INTS13: variants seen among roughly 807,000 people sequenced by gnomAD.
INTS13 encodes asunder, spermatogenesis regulator homolog (Drosphila).
In INTS13, 35 loss-of-function variants were observed where a neutral mutation model predicts 90.2. That is an observed-to-expected ratio of 0.39 (90% CI 0.30 to 0.51). The LOEUF (loss-of-function observed/expected upper bound fraction) is 0.51, where lower values mean the gene tolerates loss of function less well. Among genes scored for constraint, INTS13 ranks in the 20% least tolerant of loss-of-function variants. INTS13 has a pLI of 0.80. For missense variants in INTS13, 601 were observed against 851.2 expected, an observed-to-expected ratio of 0.71 and a Z score of 3.66; for synonymous variants, 309 against 277.1, an observed-to-expected ratio of 1.11 and a Z score of -1.14.
intron 10 of INTS13, among the ~76,000 whole-genome samples, chr12:26,916,544 A>G (rs1340520024): frequency 6.6e-6 from 1 of 152,208 alleles, no homozygotes; most frequent in Non-Finnish European, 1.5e-5. Flanking sequence ...ATGCTACAGA[A>G]CATTTGGGGA....
intron 7 of INTS13, 36 bp from the exon 8 acceptor site, chr12:26,922,736 GT>G: frequency 2.2e-6 from 3 of 1,384,864 alleles, no homozygotes; most frequent in Non-Finnish European, 2.9e-6. Flanking sequence ...AAAAAACTTG[GT>G]TTTGCTTTCA....
chr12:26,909,050 C>A (rs957309740), intron 15 of INTS13, among the ~76,000 whole-genome samples: 13 of 152,124 alleles, frequency 8.5e-5, no homozygotes, highest in African/African-American at 3.1e-4. Context: ...AATAATTATT[C>A]TTGGGTTATA....
Position 26,906,310 on chromosome 12 carries a change from C to G in INTS13, c.2073G>C (p.Glu691Asp). ...CAATAAGTAACACAAACCCATTTTC[C>G]TCTTTAAGATGTTGATATAGTTCAG... Reference protein sequence around the residue: ...NRAELYQHLKEENGMETTENG... With the variant: ...NRAELYQHLKDENGMETTENG... Residue 691 changes from glutamate to aspartate, a missense_variant, in exon 16 of 17, where the codon GAG becomes GAC. Around this residue, in one of 3 missense-constraint regions of INTS13, gnomAD observed 228 missense variants for 272.5 expected, o/e 0.84. Coordinates refer to ENST00000261191, the MANE Select transcript of INTS13 (RefSeq NM_018164.3). 1.2e-6 allele frequency: 2 copies of G among 1,601,108 alleles called. No individual in the cohort carries two copies. Among genetic ancestry groups the G allele is most frequent in the Non-Finnish European group, 1.7e-6 (2 of 1,174,602 alleles).
intron 4 of INTS13, 149 bp downstream of exon 4, chr12:26,928,554 C>CA (rs374722209): frequency 0.033 from 19,161 of 584,142 alleles, 3 homozygotes; most frequent in Middle Eastern, 0.039. Flanking sequence ...TATTAAAAGG[C>CA]AAAAAAAAAA....
chr12:26,911,055 G>T, intron 15 of INTS13, 123 bp downstream of exon 15: 1 of 1,095,700 alleles, frequency 9.1e-7, no homozygotes, highest in Non-Finnish European at 1.3e-6. Context: ...GGCTGGTCTT[G>T]AATTCCTGAC....
chr12:26,932,731 GAGCTGACA>G, intron 3 of INTS13, among the ~76,000 whole-genome samples: 1 of 152,190 alleles, frequency 6.6e-6, no homozygotes, highest in Non-Finnish European at 1.5e-5. Flanking sequence ...GTCTCCCAGA[GAGCTGACA>G]ACCAAGTTGT....
At chr12:26,910,917 C>T (rs907527279) in intron 15 of INTS13, among the ~76,000 whole-genome samples, 1 of 152,092 alleles carries the variant, frequency 6.6e-6, no homozygotes, top group African/African-American at 2.4e-5. Context: ...CTCACTGCAA[C>T]CTCCGCCTCC....
At position 26,923,862 on chromosome 12, in the gene INTS13, C is replaced by A. The variant is rs4262804; in HGVS notation, c.804+493G>T. ...GATCCACTAGAATACACAAAGTAAG[C>A]AAAATCTAATAACACAGCTGTCAAG... is the stretch of plus-strand genomic sequence containing the variant. On this transcript the variant is annotated intron_variant, in intron 7 of 16. Coordinates refer to ENST00000261191, the MANE Select transcript of INTS13 (RefSeq NM_018164.3). Among the ~76,000 whole-genome samples, 1,300 of 151,996 alleles carry A rather than the reference C, an allele frequency of 8.6e-3. 22 individuals carry two copies. The highest frequency in any genetic ancestry group is 0.03 in the African/African-American group (1,232 of 41,474).
intron 3 of INTS13, among the ~76,000 whole-genome samples, chr12:26,933,451 T>C (rs1938305191): frequency 6.6e-6 from 1 of 152,180 alleles, no homozygotes; most frequent in African/African-American, 2.4e-5. Flanking sequence ...CTTCTCAGCA[T>C]TGGAGGCTAT....
intron 1 of INTS13, 44 bp from the exon 2 acceptor site, chr12:26,936,858 T>C: frequency 7.8e-7 from 1 of 1,277,614 alleles, no homozygotes; most frequent in Non-Finnish European, 1.1e-6. Context: ...GTACATAACA[T>C]CTTACATTTT....
intron 2 of INTS13, among the ~76,000 whole-genome samples, chr12:26,935,796 GC>G (rs1938428792): frequency 6.6e-6 from 1 of 152,118 alleles, no homozygotes; most frequent in African/African-American, 2.4e-5. Context: ...TTACTCTACT[GC>G]CCTACCTTCC....
At chr12:26,912,101 G>A (rs1235355337) in intron 14 of INTS13, among the ~76,000 whole-genome samples, 1 of 152,150 alleles carries the variant, frequency 6.6e-6, no homozygotes, top group Non-Finnish European at 1.5e-5. Context: ...GTAACTATCT[G>A]TTCTTTTGCT....
At chr12:26,930,549 T>A (rs1938133503) in intron 3 of INTS13, among the ~76,000 whole-genome samples, 1 of 152,240 alleles carries the variant, frequency 6.6e-6, no homozygotes, top group African/African-American at 2.4e-5. Flanking sequence ...AAATGTACAT[T>A]CTTTTATACA....
upstream of INTS13, chr12:26,938,246 C>G (rs945333795): frequency 1.3e-5 from 2 of 152,354 alleles, no homozygotes; most frequent in African/African-American, 4.8e-5. Context: ...ACCACGGCCC[C>G]CTAAGCGTAC....
At chr12:26,926,879 A>C (rs114170304) in intron 5 of INTS13, among the ~76,000 whole-genome samples, 2,145 of 152,342 alleles carry the variant, frequency 0.014, 58 homozygotes, top group African/African-American at 0.049. Flanking sequence ...CAATGATTAG[A>C]AGCTCAGCAG....
At chr12:26,934,765 T>A in intron 2 of INTS13, 135 bp from the exon 3 acceptor site, 1 of 741,556 alleles carries the variant, frequency 1.3e-6, no homozygotes, top group Non-Finnish European at 2.3e-6. Context: ...ACAGAATGTG[T>A]AGTATATGCC....
intron 8 of INTS13, among the ~76,000 whole-genome samples, chr12:26,918,616 A>G (rs1200298181): frequency 6.6e-6 from 1 of 152,244 alleles, no homozygotes; most frequent in Non-Finnish European, 1.5e-5. Context: ...AGGAATCTAA[A>G]ATGCACAACC....
intron 3 of INTS13, among the ~76,000 whole-genome samples, 163 bp downstream of exon 3, chr12:26,934,393 G>C (rs1938352928): frequency 6.6e-6 from 1 of 152,162 alleles, no homozygotes; most frequent in Non-Finnish European, 1.5e-5. Context: ...GGGGGTGCTG[G>C]GTGTAGGGAA....
intron 3 of INTS13, among the ~76,000 whole-genome samples, chr12:26,929,563 G>GAA (rs113961406): frequency 6.1e-5 from 7 of 115,592 alleles, no homozygotes; most frequent in Admixed American, 1.7e-4. Context: ...TCTATAAAAA[G>GAA]AAAAAAAAAA....
Sources: allele counts gnomAD v4.1 joint callset (sites outside exome capture counted in the v4.1 genomes callset), GRCh38; gene constraint gnomAD v4.1.1; regional missense constraint gnomAD v4.1.1; transcripts MANE v1.5; gene names NCBI Gene and HGNC (gene_info 2026-07-23, HGNC 2026-07-21).